THSD4: variants seen among roughly 807,000 people sequenced by gnomAD.
THSD4 encodes the protein thrombospondin type-1 domain-containing protein 4.
THSD4 carries 69 observed loss-of-function variants against 119.0 expected under a neutral mutation model. The ratio of observed to expected loss-of-function variants is 0.58; its 90% CI spans 0.48 to 0.71. The LOEUF is 0.71. Ranked by LOEUF, THSD4 falls within the 30% of genes least tolerant of loss-of-function variation. The pLI is 0.00. For synonymous variants in THSD4, 524 were observed against 540.4 expected, an observed-to-expected ratio of 0.97 and a Z score of 0.42; for missense variants, 1,393 against 1,391.1, an observed-to-expected ratio of 1.00 and a Z score of -0.02.
At chr15:71,340,167 G>A (rs1022561075) in intron 6 of THSD4, among the ~76,000 whole-genome samples, 2 of 152,216 alleles carry the variant, frequency 1.3e-5, no homozygotes, top group African/African-American at 4.8e-5. Context: ...GCTTTGTACT[G>A]TGTGTCTCCC....
At chr15:71,223,906 G>A (rs1432596414) in intron 4 of THSD4, among the ~76,000 whole-genome samples, 2 of 152,128 alleles carry the variant, frequency 1.3e-5, no homozygotes, top group African/African-American at 4.8e-5. Flanking sequence ...GGTGTGGCTG[G>A]GGGATGTGGT....
At chr15:71,625,099 C>G (rs991522202) in intron 7 of THSD4, among the ~76,000 whole-genome samples, 3 of 152,112 alleles carry the variant, frequency 2.0e-5, no homozygotes, top group African/African-American at 7.2e-5. Flanking sequence ...CCTTTGCCTC[C>G]AGGTTCAAGT....
chr15:71,268,482 T>C (rs1459628790), intron 6 of THSD4, among the ~76,000 whole-genome samples: 1 of 152,146 alleles, frequency 6.6e-6, no homozygotes, highest in Admixed American at 6.6e-5. Context: ...TTTATAGCAC[T>C]AAATGCCCAT....
intron 1 of THSD4, among the ~76,000 whole-genome samples, chr15:71,118,226 C>G (rs1476318479): frequency 6.6e-6 from 1 of 152,050 alleles, no homozygotes; most frequent in African/African-American, 2.4e-5. Flanking sequence ...AAAATGTTTC[C>G]TAATCCCAGT....
chr15:71,746,462 A>G (rs914716428), intron 12 of THSD4, among the ~76,000 whole-genome samples: 1 of 151,986 alleles, frequency 6.6e-6, no homozygotes, highest in South Asian at 2.1e-4. Flanking sequence ...TGGCACAATC[A>G]TGGCTCACTG....
intron 7 of THSD4, among the ~76,000 whole-genome samples, chr15:71,652,445 CT>C (rs763737077): frequency 1.6e-4 from 24 of 152,184 alleles, no homozygotes; most frequent in Non-Finnish European, 3.2e-4. Context: ...GCAATTATCA[CT>C]GTCAAAAGCT....
chr15:71,317,140 G>A (rs1422827694), intron 6 of THSD4, among the ~76,000 whole-genome samples: 2 of 152,192 alleles, frequency 1.3e-5, no homozygotes, highest in Non-Finnish European at 2.9e-5. Context: ...ACATACAAGT[G>A]ACTAAGCCTC....
At chr15:71,470,878 A>C (rs946671399) in intron 7 of THSD4, among the ~76,000 whole-genome samples, 1 of 148,266 alleles carries the variant, frequency 6.7e-6, no homozygotes, top group African/African-American at 2.5e-5. Flanking sequence ...CTCATGATCC[A>C]CCCGCCTCGG....
chr15:71,575,804 T>A (rs2049437895), intron 7 of THSD4, among the ~76,000 whole-genome samples: 2 of 151,892 alleles, frequency 1.3e-5, no homozygotes, highest in Admixed American at 1.3e-4. Flanking sequence ...TATATGGTGT[T>A]GAGTGTACAA....
intron 14 of THSD4, among the ~76,000 whole-genome samples, chr15:71,752,591 C>T (rs960083696): frequency 1.3e-5 from 2 of 152,144 alleles, no homozygotes; most frequent in African/African-American, 4.8e-5. Flanking sequence ...GTTTAAGAAA[C>T]GCACATTGGC....
At chr15:71,218,690 T>C (rs188186799) in intron 4 of THSD4, among the ~76,000 whole-genome samples, 1 of 152,312 alleles carries the variant, frequency 6.6e-6, no homozygotes, top group Admixed American at 6.5e-5. Context: ...AGTCATTAGG[T>C]ACTTGCATAG....
At chr15:71,742,999 G>A (rs2053265145) in intron 11 of THSD4, among the ~76,000 whole-genome samples, 1 of 152,172 alleles carries the variant, frequency 6.6e-6, no homozygotes, top group South Asian at 2.1e-4. Flanking sequence ...AGGTTGTGGT[G>A]AGCAGAGATC....
chr15:71,608,238 AT>A lies in THSD4; in HGVS notation c.1153-52291del, dbSNP rs753407777. Among the ~76,000 whole-genome samples, 132 of 52,552 alleles carry A rather than the reference AT, an allele frequency of 2.5e-3. 1 individual carries two copies. The highest frequency in any genetic ancestry group is 4.1e-3 in the African/African-American group (85 of 20,880). The allele number at this position is 52,552 out of a possible 152,430, so 34.5% of individuals were successfully genotyped here. A position where few individuals can be genotyped will look rare whatever the true frequency, so the allele number is the denominator to read the frequency against. ...ACTCTGTCTCAAAAAAAAAAAAAAA[AT>A]ATATATATATACACACACACACACA... On this transcript the variant is annotated intron_variant, in intron 7 of 17. Transcript: ENST00000261862.
chr15:71,679,668 A>G (rs1410201247), intron 8 of THSD4, among the ~76,000 whole-genome samples: 1 of 152,226 alleles, frequency 6.6e-6, no homozygotes, highest in African/African-American at 2.4e-5. Flanking sequence ...GACATTTGAG[A>G]CTGCAAATAC....
At chr15:71,347,922 C>T (rs961862229) in intron 6 of THSD4, among the ~76,000 whole-genome samples, 27 of 152,180 alleles carry the variant, frequency 1.8e-4, no homozygotes, top group African/African-American at 5.8e-4. Context: ...AGCCCGTCTC[C>T]ATACCCACAT....
At chr15:71,466,661 G>T (rs1380755661) in intron 7 of THSD4, among the ~76,000 whole-genome samples, 1 of 152,180 alleles carries the variant, frequency 6.6e-6, no homozygotes, top group Non-Finnish European at 1.5e-5. Flanking sequence ...GATTGTGGCA[G>T]TGGCTTGGTA....
chr15:71,130,077 G>T (rs999103335), intron 1 of THSD4, among the ~76,000 whole-genome samples: 3 of 152,192 alleles, frequency 2.0e-5, no homozygotes, highest in African/African-American at 7.2e-5. Context: ...ATCTTGCCTG[G>T]CAGGGGCCCA....
chr15:71,203,759 C>G (rs2043821715), intron 3 of THSD4, among the ~76,000 whole-genome samples: 1 of 152,166 alleles, frequency 6.6e-6, no homozygotes, highest in Non-Finnish European at 1.5e-5. Flanking sequence ...CCATTTGCAG[C>G]CTCTTTCACT....
chr15:71,460,159 A>G (rs2047407543), intron 7 of THSD4, among the ~76,000 whole-genome samples: 2 of 152,174 alleles, frequency 1.3e-5, no homozygotes, highest in Admixed American at 6.5e-5. Flanking sequence ...GCACATTCTG[A>G]AAAGATTCCC....
Sources: allele counts gnomAD v4.1 joint callset (sites outside exome capture counted in the v4.1 genomes callset), GRCh38; gene constraint gnomAD v4.1.1; transcripts MANE v1.5; gene names NCBI Gene and HGNC (gene_info 2026-07-23, HGNC 2026-07-21).